JADE3: variants seen among roughly 807,000 people sequenced by gnomAD.
JADE3 encodes the protein protein Jade-3.
Under a neutral mutation model 50.1 loss-of-function variants are expected in JADE3, and 2 were observed. The ratio of observed to expected loss-of-function variants is 0.04; its 90% confidence interval spans 0.02 to 0.13. JADE3 has a LOEUF of 0.13. Ranked by LOEUF, JADE3 falls within the 10% of genes least tolerant of loss-of-function variation. JADE3 has a pLI of 1.00. For synonymous variants in JADE3, 218 were observed against 232.9 expected (o/e 0.94, Z 0.58); for missense variants, 475 against 634.4 (o/e 0.75, Z 2.70).
chrX:46,917,093 C>T (rs1556336494), intron 1 of JADE3, among the ~76,000 whole-genome samples: 1 of 111,204 alleles, frequency 9.0e-6, no homozygotes, highest in East Asian at 2.8e-4. Context: ...GCCTCAATTT[C>T]TTTGTCAAAC....
chrX:46,917,999 A>G lies in JADE3; in HGVS notation c.-12+5280A>G, dbSNP rs935833749. Among the ~76,000 whole-genome samples the G allele has an allele frequency of 5.4e-5, 6 of 110,930 alleles. No individual in the cohort carries two copies. The South Asian group carries it at 1.5e-3, about 29-fold the overall frequency. On this transcript the variant is annotated intron_variant, in intron 1 of 10. Transcript: ENST00000614628. ...TTCCCCTTCAGTGTCCCACCTTGCA[A>G]TCCAATAGAGGCAATGTCTCTGGAC...
chrX:47,053,232 G>A (rs1170418058), intron 8 of JADE3, among the ~76,000 whole-genome samples: 2 of 110,460 alleles, frequency 1.8e-5, no homozygotes, highest in Non-Finnish European at 3.8e-5. Flanking sequence ...ACCAGCCTGA[G>A]CAACATAGAT....
intron 1 of JADE3, among the ~76,000 whole-genome samples, chrX:46,941,275 C>G (rs1926749568): frequency 8.9e-6 from 1 of 111,821 alleles, no homozygotes; most frequent in African/African-American, 3.3e-5. Context: ...ACATAGTATT[C>G]TATGGTATAT....
At chrX:47,057,396 C>T (rs1363611082) in intron 10 of JADE3, among the ~76,000 whole-genome samples, 1 of 111,521 alleles carries the variant, frequency 9.0e-6, no homozygotes, top group African/African-American at 3.3e-5. Flanking sequence ...TTTCAAAGTA[C>T]TTGAAATAAT....
chrX:46,986,723 A>G (rs781974568), intron 3 of JADE3, among the ~76,000 whole-genome samples: 121 of 111,965 alleles, frequency 1.1e-3, no homozygotes, highest in Non-Finnish European at 2.0e-3. Flanking sequence ...GAGTAGGTCA[A>G]TCCTTATCAG....
At chrX:46,952,026 G>C (rs782558654) in intron 1 of JADE3, among the ~76,000 whole-genome samples, 9 of 111,489 alleles carry the variant, frequency 8.1e-5, no homozygotes, top group African/African-American at 2.9e-4. Flanking sequence ...AGCCTCCTGG[G>C]TAGCTGAAAC....
intron 10 of JADE3, among the ~76,000 whole-genome samples, chrX:47,057,779 G>A (rs1929658406): frequency 1.8e-5 from 2 of 111,880 alleles, no homozygotes; most frequent in African/African-American, 6.5e-5. Context: ...CACATACTAA[G>A]TGCTGTGCCA....
chrX:46,950,517 A>G (rs893111278), intron 1 of JADE3, among the ~76,000 whole-genome samples: 1 of 112,133 alleles, frequency 8.9e-6, no homozygotes, highest in Non-Finnish European at 1.9e-5. Flanking sequence ...GATGTACCAC[A>G]TCGTGGTTAT....
intron 1 of JADE3, among the ~76,000 whole-genome samples, chrX:46,940,874 C>G (rs1227110118): frequency 1.8e-5 from 2 of 111,977 alleles, no homozygotes; most frequent in Non-Finnish European, 3.8e-5. Flanking sequence ...GAAATTTAAG[C>G]TTAGTTGGGT....
chrX:47,058,092 G>T (rs1427440913), intron 10 of JADE3, 75 bp from the exon 11 acceptor site: 61 of 859,358 alleles, frequency 7.1e-5, no homozygotes, highest in Non-Finnish European at 9.7e-5. Flanking sequence ...GTAGGTATGT[G>T]AACTCACTCT....
chrX:46,971,108 ATTTTTTTTT>A (rs199889056), intron 1 of JADE3, among the ~76,000 whole-genome samples: 40 of 46,013 alleles, frequency 8.7e-4, no homozygotes, highest in East Asian at 1.4e-3. Flanking sequence ...GGTAGTTGAA[ATTTTTTTTT>A]TTTTTTTTTT....
chrX:46,946,390 A>G (rs935169642), intron 1 of JADE3, among the ~76,000 whole-genome samples: 1 of 111,681 alleles, frequency 9.0e-6, no homozygotes, highest in African/African-American at 3.3e-5. Flanking sequence ...CAGCCCTCCC[A>G]TGGAGGTAGC....
intron 8 of JADE3, among the ~76,000 whole-genome samples, chrX:47,039,711 A>T (rs1241755065): frequency 9.0e-6 from 1 of 111,650 alleles, no homozygotes; most frequent in Non-Finnish European, 1.9e-5. Context: ...CTCCAGCTGC[A>T]CCCATGTTGC....
intron 1 of JADE3, among the ~76,000 whole-genome samples, chrX:46,957,736 A>T (rs1556346859): frequency 8.9e-6 from 1 of 112,004 alleles, no homozygotes; most frequent in African/African-American, 3.2e-5. Context: ...TCCTTTTGTT[A>T]CCTTGGCAAA....
At chrX:46,962,146 T>C (rs1927275817) in intron 1 of JADE3, among the ~76,000 whole-genome samples, 2 of 111,189 alleles carry the variant, frequency 1.8e-5, no homozygotes, top group Non-Finnish European at 3.8e-5. Context: ...CCCAGGAAGA[T>C]GGAGGAAAAC....
chrX:46,949,444 G>A (rs1415877035), intron 1 of JADE3, among the ~76,000 whole-genome samples: 1 of 111,946 alleles, frequency 8.9e-6, no homozygotes, highest in East Asian at 2.8e-4. Context: ...ACAGCTTTCC[G>A]AAGATTTTAT....
rs145853620 is a variant in JADE3 at position 46,936,017 on chromosome X, ATTT to A, written c.-12+23315_-12+23317del. Among the ~76,000 whole-genome samples, 240 of 76,574 alleles carry A rather than the reference ATTT, an allele frequency of 3.1e-3. 11 individuals are homozygous for A. Among genetic ancestry groups the A allele is most frequent in the Middle Eastern group, 0.014 (2 of 142 alleles). The allele number at this position is 76,574 out of a possible 115,157, so 66.5% of individuals were successfully genotyped here. On this transcript the variant is annotated intron_variant, in intron 1 of 10. Coordinates refer to ENST00000614628, the MANE Select transcript of JADE3 (RefSeq NM_014735.5). ...AGATTTAACGTGGTTGAATACATTGATTTTTTTTTTTTTTTTTTTGAGATAGAG... is the reference window on the plus strand; with the variant it reads ...AGATTTAACGTGGTTGAATACATTGATTTTTTTTTTTTTTTTGAGATAGAG...
chrX:47,053,773 T>G (rs1929571112), intron 8 of JADE3, among the ~76,000 whole-genome samples: 1 of 112,138 alleles, frequency 8.9e-6, no homozygotes, highest in African/African-American at 3.2e-5. Context: ...TTAAGATCTA[T>G]CCCTAAGGAC....
chrX:46,924,508 G>A (rs1343842889), intron 1 of JADE3, among the ~76,000 whole-genome samples: 3 of 112,346 alleles, frequency 2.7e-5, no homozygotes, highest in African/African-American at 9.7e-5. Context: ...TGAGAGTGGA[G>A]ATGGTAGCAT....
Sources: gnomAD v4.1 joint callset for allele counts (sites outside exome capture counted in the v4.1 genomes callset) on GRCh38, gnomAD v4.1.1 for gene constraint, MANE v1.5 for transcripts, NCBI Gene and HGNC (gene_info 2026-07-23, HGNC 2026-07-21) for gene names.